The following RNF17 variants were observed in gnomAD, a reference collection of about 807,000 sequenced individuals.
The protein encoded by RNF17 is ring finger protein 17.
A neutral mutation model predicts 200.5 loss-of-function variants in RNF17; 31 were observed. The observed-to-expected ratio is 0.15, with a 90% confidence interval of 0.12 to 0.21. The LOEUF is 0.21. Among genes scored for constraint, RNF17 ranks in the 10% least tolerant of loss-of-function variants. The pLI is 1.00. For missense variants in RNF17, 1,628 were observed against 1,905.1 expected, an observed-to-expected ratio of 0.85 and a Z score of 2.71; for synonymous variants, 606 against 637.8, an observed-to-expected ratio of 0.95 and a Z score of 0.75.
chr13:24,816,561 TTAAGAGG>T (rs1887433003), intron 15 of RNF17, among the ~76,000 whole-genome samples: 1 of 152,222 alleles, frequency 6.6e-6, no homozygotes, highest in Admixed American at 6.5e-5. Flanking sequence ...CTGGAAAGCC[TTAAGAGG>T]TAATGCCTGT....
intron 18 of RNF17, among the ~76,000 whole-genome samples, chr13:24,841,819 G>A (rs1013669983): frequency 1.3e-4 from 20 of 151,928 alleles, no homozygotes; most frequent in Non-Finnish European, 2.9e-4. Context: ...AAAATTAGCC[G>A]GGCGTGGTGG....
At chr13:24,759,190 T>C (rs558312613), upstream of RNF17, among the ~76,000 whole-genome samples, 44 of 151,120 alleles carry the variant, frequency 2.9e-4, no homozygotes, top group Non-Finnish European at 5.4e-4. Flanking sequence ...TGAGGACACA[T>C]GACATACACC....
chr13:24,840,096 T>C (rs893827587), intron 18 of RNF17, among the ~76,000 whole-genome samples: 2 of 151,936 alleles, frequency 1.3e-5, no homozygotes, highest in Non-Finnish European at 2.9e-5. Flanking sequence ...AAAAAAGATA[T>C]ACAAATGGCC....
chr13:24,842,933 G>A (rs1271138446), intron 19 of RNF17, among the ~76,000 whole-genome samples: 1 of 151,848 alleles, frequency 6.6e-6, no homozygotes, highest in Non-Finnish European at 1.5e-5. Context: ...GTTGCAGTGA[G>A]CTGAGATTGT....
At chr13:24,868,987 G>A (rs570782579) in intron 31 of RNF17, among the ~76,000 whole-genome samples, 24 of 152,290 alleles carry the variant, frequency 1.6e-4, no homozygotes, top group African/African-American at 5.1e-4. Flanking sequence ...AGGTGGAACC[G>A]TTTCTACCTA....
At chr13:24,797,681 A>G (rs955983446) in intron 11 of RNF17, among the ~76,000 whole-genome samples, 4 of 140,098 alleles carry the variant, frequency 2.9e-5, no homozygotes, top group South Asian at 2.2e-4. Flanking sequence ...AGTGGCAGGG[A>G]GAGAGAGAGA....
intron 2 of RNF17, 110 bp downstream of exon 2, chr13:24,767,476 G>A (rs372104008): frequency 6.9e-6 from 5 of 725,522 alleles, no homozygotes; most frequent in Admixed American, 2.5e-5. Context: ...TTGGCCGGGC[G>A]TGGTGGCTGA....
Position 24,800,352 on chromosome 13 carries a change from T to G in RNF17, c.1590-14T>G, listed in dbSNP as rs1271503098. The G allele has an allele frequency of 1.3e-6, 2 of 1,518,960 alleles. No individual in the cohort carries two copies. The highest frequency in any genetic ancestry group is 2.6e-5 in the South Asian group (2 of 77,610). 94.1% of individuals were successfully genotyped at this position (1,518,960 alleles called of 1,614,324 possible). ...AGCATTATTTTCAATAAATATTACT[T>G]GAATTTCTCCTAGAGTTGTTGATAC... On this transcript the variant is annotated splice_polypyrimidine_tract_variant and intron_variant, in intron 12 of 35. Transcript: ENST00000255324.
At chr13:24,841,322 TA>T (rs1319733921) in intron 18 of RNF17, among the ~76,000 whole-genome samples, 1 of 152,260 alleles carries the variant, frequency 6.6e-6, no homozygotes, top group East Asian at 1.9e-4. Context: ...GTGCCATTTT[TA>T]TAAAAGCTTA....
In RNF17 at chr13:24,874,124, C is replaced by T; in HGVS notation, c.4458C>T (p.Cys1486=). 1.2e-6 allele frequency: 2 copies of T among 1,604,228 alleles called. No individual in the cohort carries two copies. Among genetic ancestry groups the T allele is most frequent in the African/African-American group, 1.3e-5 (1 of 74,424 alleles). ...TTTCTGTCTTTCCAGAAATGCCTTG[C>T]CTTGCAGAATATGATGATGGCTTAT... ...PLTDFRTEMP[C]LAEYDDGLWY... The change falls in exon 33 of 36, where the codon TGC becomes TGT. Residue 1486 remains cysteine, a synonymous_variant. Transcript: ENST00000255324.
intron 25 of RNF17, among the ~76,000 whole-genome samples, chr13:24,858,151 A>C (rs1892721720): frequency 6.6e-6 from 1 of 152,188 alleles, no homozygotes; most frequent in Non-Finnish European, 1.5e-5. Flanking sequence ...TATGGTAGCT[A>C]TGAATTTACT....
downstream of RNF17, among the ~76,000 whole-genome samples, chr13:24,881,237 C>T (rs1953806201): frequency 6.6e-6 from 1 of 151,932 alleles, no homozygotes; most frequent in South Asian, 2.1e-4. Context: ...ACCTCTGCCT[C>T]CTGAGTTCAA....
chr13:24,778,123 G>A (rs1368238599), intron 3 of RNF17, among the ~76,000 whole-genome samples, 172 bp from the exon 4 acceptor site: 3 of 152,064 alleles, frequency 2.0e-5, no homozygotes, highest in African/African-American at 7.3e-5. Context: ...TTAGCCGAGT[G>A]TGGTGGCACA....
At position 24,767,344 on chromosome 13, in the gene RNF17, C is replaced by T. The variant is rs1245834034; in HGVS notation, c.203C>T (p.Thr68Ile). 2 of 1,607,036 alleles carry T rather than the reference C, an allele frequency of 1.2e-6. No homozygotes were observed. The highest frequency in any genetic ancestry group is 1.3e-5 in the African/African-American group (1 of 74,760). ...LCLLMTEECT[T>I]IICPDCEVAT... Reference sequence around the variant, plus strand: ...TTGTTAATGACTGAAGAATGCACCACAATTATATGCCCTGATTGTGAGGTA... The same window carrying T: ...TTGTTAATGACTGAAGAATGCACCATAATTATATGCCCTGATTGTGAGGTA... Residue 68 changes from threonine to isoleucine, a missense_variant, in exon 2 of 36, where the codon ACA (threonine) becomes ATA (isoleucine). By Grantham distance (89) the Thr-to-Ile change is moderately conservative. Around this residue, in one of 5 missense-constraint regions of RNF17, gnomAD observed 502 missense variants for 501.7 expected, o/e 1.00. Transcript: ENST00000255324.
At chr13:24,887,367 C>G in the RNF17 span, among the ~76,000 whole-genome samples, 1 of 152,152 alleles carries the variant, frequency 6.6e-6, no homozygotes, top group East Asian at 1.9e-4. Flanking sequence ...AGCGGGTGGG[C>G]GAGCCAGCGA....
intron 22 of RNF17, among the ~76,000 whole-genome samples, chr13:24,849,690 A>C (rs1358252514): frequency 6.6e-6 from 1 of 152,224 alleles, no homozygotes; most frequent in Non-Finnish European, 1.5e-5. Flanking sequence ...ATTTGCTGAA[A>C]GCTTAGGCTA....
chr13:24,811,688 A>G (rs1228164692), intron 15 of RNF17, among the ~76,000 whole-genome samples: 4 of 151,958 alleles, frequency 2.6e-5, no homozygotes, highest in Admixed American at 6.6e-5. Flanking sequence ...CTGGTGAGGA[A>G]CTCTACTCCT....
At chr13:24,851,335 A>T (rs1298834965) in intron 23 of RNF17, 121 bp from the exon 24 acceptor site, 11 of 734,698 alleles carry the variant, frequency 1.5e-5, no homozygotes, top group Non-Finnish European at 2.6e-5. Flanking sequence ...AAATAACTTG[A>T]CTCAGCTGGG....
chr13:24,778,395 G>C lies in RNF17; in HGVS notation c.418G>C (p.Ala140Pro). The C allele has an allele frequency of 6.2e-7, 1 of 1,608,986 alleles. No homozygotes were observed. Among genetic ancestry groups the C allele is most frequent in the Non-Finnish European group, 8.5e-7 (1 of 1,175,398 alleles). The stretch of plus-strand genomic sequence containing the variant: ...AGACAAGACTCTTTTGAACTCATCA[G>C]CTGTAATGTTGGTATGAAACATATT... ...STDKTLLNSSAVMLDTNTAEE... is the reference protein window; with the variant it reads ...STDKTLLNSSPVMLDTNTAEE... The change falls in exon 4 of 36, where the codon GCT becomes CCT. Residue 140 changes from alanine (A) to proline (P), a missense_variant. Transcript: ENST00000255324.
Sources: gnomAD v4.1 joint callset for allele counts (sites outside exome capture counted in the v4.1 genomes callset) on GRCh38, gnomAD v4.1.1 for gene constraint, gnomAD v4.1.1 regional missense constraint, MANE v1.5 for transcripts, NCBI Gene and HGNC (gene_info 2026-07-23, HGNC 2026-07-21) for gene names.